ADCY2: variants seen among roughly 807,000 people sequenced by gnomAD.
ADCY2 encodes adenylate cyclase 2, also known as adenylate cyclase type 2.
In ADCY2, 31 loss-of-function variants were observed where a neutral mutation model predicts 125.2. The ratio of observed to expected loss-of-function variants is 0.25; its 90% CI spans 0.19 to 0.33. ADCY2 has a LOEUF of 0.33. Ranked by LOEUF, ADCY2 falls within the 10% of genes least tolerant of loss-of-function variation. The pLI, the probability that ADCY2 is intolerant of heterozygous loss-of-function variation, is 1.00. For missense variants in ADCY2, 904 were observed against 1,418.2 expected, an observed-to-expected ratio of 0.64 and a Z score of 5.82; for synonymous variants, 512 against 548.4, an observed-to-expected ratio of 0.93 and a Z score of 0.93.
intron 15 of ADCY2, among the ~76,000 whole-genome samples, chr5:7,746,672 G>T (rs1742635181): frequency 6.6e-6 from 1 of 152,174 alleles, no homozygotes; most frequent in Non-Finnish European, 1.5e-5. Context: ...GTTTATTAAA[G>T]AGTACTCAAT....
intron 2 of ADCY2, among the ~76,000 whole-genome samples, chr5:7,485,578 A>AT (rs1192356460): frequency 3.9e-5 from 6 of 152,012 alleles, no homozygotes; most frequent in Non-Finnish European, 8.8e-5. Context: ...GATTTTGGTG[A>AT]TTTTTTTTCT....
At chr5:7,711,269 G>C (rs1161420533) in intron 10 of ADCY2, among the ~76,000 whole-genome samples, 3 of 152,166 alleles carry the variant, frequency 2.0e-5, no homozygotes, top group Non-Finnish European at 4.4e-5. Flanking sequence ...ATCTGTTAGA[G>C]AAACAGCATC....
rs552693266 is a variant in ADCY2, at chr5:7,538,289, A to G, written c.570+17390A>G. ...ACTTGAGCTCCAATCCCAGTTCTGC[A>G]TGAATTGGTTGTATGAATTTTAGTA... On this transcript the variant is annotated intron_variant, in intron 3 of 24. Transcript: ENST00000338316. 3.3e-5 allele frequency among the ~76,000 whole-genome samples: 5 copies of G among 152,300 alleles called. No homozygotes were observed. The East Asian group carries it at 9.7e-4, about 30-fold the overall frequency.
intron 4 of ADCY2, among the ~76,000 whole-genome samples, chr5:7,676,263 G>A (rs887320690): frequency 2.0e-5 from 3 of 152,132 alleles, no homozygotes; most frequent in African/African-American, 7.2e-5. Flanking sequence ...TCTTGCTACG[G>A]GTAGTGGTAT....
At position 7,597,776 on chromosome 5, in the gene ADCY2, C is replaced by A. The variant is rs553246271; in HGVS notation, c.571-28391C>A. ...CTCCAGCCTGGGTGACAGACTGAGA[C>A]CCTGCCTCAAAAACAAACAAAAAGC... On this transcript the variant is annotated intron_variant, in intron 3 of 24. Coordinates refer to ENST00000338316, the MANE Select transcript of ADCY2 (RefSeq NM_020546.3). Among the ~76,000 whole-genome samples the A allele has an allele frequency of 5.9e-5, 9 of 152,270 alleles. No individual in the cohort carries two copies. In the East Asian group the frequency reaches 1.7e-3, roughly 29 times the overall value.
chr5:7,594,447 A>G (rs1736943167), intron 3 of ADCY2, among the ~76,000 whole-genome samples: 1 of 152,228 alleles, frequency 6.6e-6, no homozygotes, highest in Non-Finnish European at 1.5e-5. Flanking sequence ...AAGCTCAAAT[A>G]CCATTCGAGA....
In ADCY2 at chr5:7,690,792, C is replaced by T; in HGVS notation, c.822C>T (p.Asn274=). The T allele has an allele frequency of 6.2e-7, 1 of 1,608,824 alleles. No individual in the cohort carries two copies. Among genetic ancestry groups the T allele is most frequent in the Non-Finnish European group, 8.5e-7 (1 of 1,178,006 alleles). ...GCCCCAAGGCGGGCCAGATGGAGAACACAAATAACTTCCACAACCTGTATG... is the reference window on the plus strand; with the variant it reads ...GCCCCAAGGCGGGCCAGATGGAGAATACAAATAACTTCCACAACCTGTATG... The part of the protein sequence containing the change: ...LQGPKAGQME[N]TNNFHNLYVK... The change falls in exon 5 of 25, where the codon AAC becomes AAT. Residue 274 remains asparagine, a synonymous_variant. Coordinates refer to ENST00000338316, the MANE Select transcript of ADCY2 (RefSeq NM_020546.3).
chr5:7,619,518 T>C (rs909206987), intron 3 of ADCY2, among the ~76,000 whole-genome samples: 1 of 152,222 alleles, frequency 6.6e-6, no homozygotes, highest in Non-Finnish European at 1.5e-5. Flanking sequence ...AATATAAAGC[T>C]CTGTGTAACT....
intron 4 of ADCY2, among the ~76,000 whole-genome samples, chr5:7,689,445 G>A (rs1231642876): frequency 2.0e-5 from 3 of 152,212 alleles, no homozygotes; most frequent in Non-Finnish European, 2.9e-5. Context: ...GCCAGTACAT[G>A]GAGAAACTAG....
intron 14 of ADCY2, among the ~76,000 whole-genome samples, chr5:7,742,128 CAA>C (rs1207472213): frequency 4.0e-4 from 47 of 116,098 alleles, no homozygotes; most frequent in Admixed American, 4.3e-4. Context: ...GCATAGTGCC[CAA>C]AAAAAAAAAA....
At chr5:7,471,559 A>G (rs1007032750) in intron 2 of ADCY2, among the ~76,000 whole-genome samples, 2 of 152,008 alleles carry the variant, frequency 1.3e-5, no homozygotes, top group Non-Finnish European at 2.9e-5. Flanking sequence ...TACCTATGCT[A>G]CAAATCTATA....
chr5:7,822,726 ATGTGTG>A (rs33999538), intron 24 of ADCY2, among the ~76,000 whole-genome samples: 1 of 151,202 alleles, frequency 6.6e-6, no homozygotes, highest in African/African-American at 2.4e-5. Context: ...GTGTACATGC[ATGTGTG>A]TGTGTGTGTG....
chr5:7,768,079 T>G (rs986411761), intron 17 of ADCY2, among the ~76,000 whole-genome samples: 1 of 150,912 alleles, frequency 6.6e-6, no homozygotes, highest in African/African-American at 2.4e-5. Context: ...TCCTGGAGGC[T>G]TCTGAGGCCT....
At chr5:7,708,889 T>C (rs751337178) in intron 9 of ADCY2, among the ~76,000 whole-genome samples, 1 of 152,170 alleles carries the variant, frequency 6.6e-6, no homozygotes, top group African/African-American at 2.4e-5. Flanking sequence ...CAGTTATCAC[T>C]TTAGAAAAAC....
At chr5:7,522,250 A>G (rs1744470253) in intron 3 of ADCY2, 1 of 152,242 alleles carries the variant, frequency 6.6e-6, no homozygotes, top group African/African-American at 2.4e-5. Context: ...TAATGAACAC[A>G]TCCATCACCA....
intron 17 of ADCY2, among the ~76,000 whole-genome samples, chr5:7,769,810 G>A (rs1009470679): frequency 5.3e-5 from 8 of 152,172 alleles, no homozygotes; most frequent in East Asian, 1.9e-4. Context: ...AATTACTCCC[G>A]ATAATGGTGG....
chr5:7,786,888 C>G (rs1744100349), intron 19 of ADCY2, among the ~76,000 whole-genome samples: 1 of 152,160 alleles, frequency 6.6e-6, no homozygotes, highest in Non-Finnish European at 1.5e-5. Context: ...AGATGTGAAG[C>G]CCTCCAGTTC....
At chr5:7,505,903 A>G (rs1219895064) in intron 2 of ADCY2, among the ~76,000 whole-genome samples, 1 of 152,230 alleles carries the variant, frequency 6.6e-6, no homozygotes, top group Admixed American at 6.5e-5. Flanking sequence ...GAATATGGAC[A>G]TGAATATTCA....
chr5:7,401,930 T>C (rs911204374), intron 1 of ADCY2, among the ~76,000 whole-genome samples: 2 of 152,382 alleles, frequency 1.3e-5, no homozygotes, highest in South Asian at 4.1e-4. Context: ...CCACTTGATA[T>C]TGACATCGAG....
Sources: allele counts gnomAD v4.1 joint callset (sites outside exome capture counted in the v4.1 genomes callset), GRCh38; gene constraint gnomAD v4.1.1; transcripts MANE v1.5; gene names NCBI Gene and HGNC (gene_info 2026-07-23, HGNC 2026-07-21).